ZNF536: variants seen among roughly 807,000 people sequenced by gnomAD.
ZNF536 encodes the protein zinc finger protein 536.
Under a neutral mutation model 84.5 loss-of-function variants are expected in ZNF536, and 13 were observed. That is an observed-to-expected ratio of 0.15 (90% CI 0.10 to 0.24). The LOEUF (loss-of-function observed/expected upper bound fraction) is 0.24. Ranked by LOEUF, ZNF536 falls within the 10% of genes least tolerant of loss-of-function variation. The pLI is 1.00. For missense variants in ZNF536, 1,536 were observed against 1,747.5 expected (o/e 0.88, Z 2.16); for synonymous variants, 811 against 742.5 (o/e 1.09, Z -1.50).
At chr19:30,251,886 T>C (rs920416893) in intron 1 of ZNF536, among the ~76,000 whole-genome samples, 3 of 152,198 alleles carry the variant, frequency 2.0e-5, no homozygotes, top group Admixed American at 2.0e-4. Flanking sequence ...TTCAATCCCA[T>C]CCAGGTTGCT....
intron 1 of ZNF536, among the ~76,000 whole-genome samples, chr19:30,692,276 G>A (rs1335647821): frequency 6.6e-6 from 1 of 152,240 alleles, no homozygotes; most frequent in Non-Finnish European, 1.5e-5. Flanking sequence ...GTGCTGATGA[G>A]CAGTTATAAT....
At chr19:30,368,282 C>T (rs150550038), upstream of ZNF536, among the ~76,000 whole-genome samples, 511 of 152,318 alleles carry the variant, frequency 3.4e-3, 3 homozygotes, top group African/African-American at 6.6e-3. Flanking sequence ...TTCTCCTTAG[C>T]GTATCTTCTT....
At chr19:30,608,006 C>A (rs912434756) in intron 1 of ZNF536, among the ~76,000 whole-genome samples, 1 of 152,054 alleles carries the variant, frequency 6.6e-6, no homozygotes, top group Non-Finnish European at 1.5e-5. Flanking sequence ...TGATGCTTAC[C>A]CATACAGGAT....
intron 1 of ZNF536, among the ~76,000 whole-genome samples, chr19:30,585,141 A>AAAAGAG (rs1289655193): frequency 6.6e-6 from 1 of 152,152 alleles, no homozygotes; most frequent in African/African-American, 2.4e-5. Context: ...AAGAAAAAGA[A>AAAAGAG]GAAAAGAAGA....
At chr19:30,570,804 C>A (rs1159668486) in intron 1 of ZNF536, among the ~76,000 whole-genome samples, 2 of 152,168 alleles carry the variant, frequency 1.3e-5, no homozygotes, top group African/African-American at 4.8e-5. Context: ...AACATGGAGT[C>A]TCTAATAAAT....
At chr19:30,390,151 A>G (rs1202884332) in intron 1 of ZNF536, among the ~76,000 whole-genome samples, 10 of 152,082 alleles carry the variant, frequency 6.6e-5, no homozygotes, top group Non-Finnish European at 8.8e-5. Flanking sequence ...TCTACTTCCT[A>G]GGGGTTAGCT....
At chr19:30,564,898 G>T (rs2046295477) in intron 1 of ZNF536, among the ~76,000 whole-genome samples, 1 of 152,134 alleles carries the variant, frequency 6.6e-6, no homozygotes, top group African/African-American at 2.4e-5. Context: ...CCTGGGCTCG[G>T]CGGGGCCACA....
intron 1 of ZNF536, among the ~76,000 whole-genome samples, chr19:30,662,962 C>CTTTTTTTTTTTTTTTTTTTTTTGTTTT (rs2050177214): frequency 1.3e-5 from 1 of 78,760 alleles, no homozygotes; most frequent in Non-Finnish European, 2.5e-5. Flanking sequence ...TTTTTCGTTT[C>CTTTTTTTTTTTTTTTTTTTTTTGTTTT]TTTTTTTTTT....
chr19:30,659,012 G>A (rs1375068107), intron 1 of ZNF536, among the ~76,000 whole-genome samples: 1 of 152,222 alleles, frequency 6.6e-6, no homozygotes, highest in Non-Finnish European at 1.5e-5. Flanking sequence ...CATTAGGGAT[G>A]TTGAAGTTTT....
At position 30,445,666 on chromosome 19, in the gene ZNF536, G is replaced by T. The variant is rs1368788712; in HGVS notation, c.2104G>T (p.Gly702Cys). ...CGTCACCGAGGAGAGCGGGGTCGGA[G>T]GCGGCCTCTCCCAGACCGGGAGTGC... ...SNVTEESGVG[G>C]GLSQTGSAQE... The change falls in exon 2 of 5, where the codon GGC becomes TGC. Residue 702 changes from glycine (G) to cysteine (C), a missense_variant. Gly to Cys is a radical substitution (Grantham distance 159, BLOSUM62 -3). Transcript: ENST00000355537. This position sits in a 1 kb window ranked among gnomAD's most constrained non-coding sequence, Gnocchi z 4.5. 6.2e-7 allele frequency: 1 copy of T among 1,608,682 alleles called. No individual in the cohort carries two copies. Among genetic ancestry groups the T allele is most frequent in the Non-Finnish European group, 8.5e-7 (1 of 1,177,288 alleles).
chr19:30,652,444 GC>G (rs1247664502), intron 1 of ZNF536, among the ~76,000 whole-genome samples: 2 of 152,138 alleles, frequency 1.3e-5, no homozygotes, highest in Admixed American at 1.3e-4. Context: ...GAAGGGAAAT[GC>G]CCCCCAAAGC....
intron 2 of ZNF536, among the ~76,000 whole-genome samples, chr19:30,325,425 G>C (rs950937202): frequency 2.6e-5 from 4 of 152,148 alleles, no homozygotes; most frequent in Admixed American, 6.5e-5. Context: ...TTGGTGGTGG[G>C]CTTCTCTGAG....
At chr19:30,705,368 C>T (rs372876586) in intron 1 of ZNF536, among the ~76,000 whole-genome samples, 48 of 151,752 alleles carry the variant, frequency 3.2e-4, no homozygotes, top group East Asian at 1.2e-3. Flanking sequence ...TAGAATAAAA[C>T]GCATTGTAAA....
intron 1 of ZNF536, among the ~76,000 whole-genome samples, chr19:30,251,958 T>C (rs1008520365): frequency 1.3e-5 from 2 of 152,070 alleles, no homozygotes; most frequent in African/African-American, 2.4e-5. Flanking sequence ...CATATATATA[T>C]ATAGAAAAGA....
chr19:30,388,819 C>T (rs973099462), intron 1 of ZNF536, among the ~76,000 whole-genome samples: 12 of 152,156 alleles, frequency 7.9e-5, no homozygotes, highest in Admixed American at 6.5e-4. Context: ...AGAGAGATTC[C>T]TTTATGGGCT....
intron 1 of ZNF536, among the ~76,000 whole-genome samples, chr19:30,611,709 G>C (rs1336686882): frequency 6.6e-6 from 1 of 152,138 alleles, no homozygotes; most frequent in African/African-American, 2.4e-5. Flanking sequence ...TTGATCCACT[G>C]AGTGTCAAAC....
At chr19:30,430,791 C>T (rs889025704) in intron 1 of ZNF536, among the ~76,000 whole-genome samples, 1 of 152,196 alleles carries the variant, frequency 6.6e-6, no homozygotes, top group East Asian at 1.9e-4. Context: ...TCTCCTGCCT[C>T]AGCCTCCTGA....
chr19:30,679,378 A>T (rs1445716586), intron 1 of ZNF536, among the ~76,000 whole-genome samples: 1 of 152,180 alleles, frequency 6.6e-6, no homozygotes, highest in African/African-American at 2.4e-5. Flanking sequence ...GCGGCAGCTG[A>T]GTCTTTCTTG....
intron 4 of ZNF536, among the ~76,000 whole-genome samples, chr19:30,549,796 T>A (rs971446946): frequency 6.6e-6 from 1 of 152,176 alleles, no homozygotes; most frequent in Non-Finnish European, 1.5e-5. Context: ...GAACTACTCC[T>A]GTTTGCCATC....
Sources: gnomAD v4.1 joint callset for allele counts (sites outside exome capture counted in the v4.1 genomes callset) on GRCh38, gnomAD v4.1.1 for gene constraint, Gnocchi (gnomAD v3.1) non-coding constraint, MANE v1.5 for transcripts, NCBI Gene and HGNC (gene_info 2026-07-23, HGNC 2026-07-21) for gene names.